The following ZFAT variants were observed in gnomAD, a reference collection of about 807,000 sequenced individuals.
The protein encoded by ZFAT is zinc finger protein ZFAT.
ZFAT carries 64 observed loss-of-function variants against 117.7 expected under a neutral mutation model. The ratio of observed to expected loss-of-function variants is 0.54; its 90% CI spans 0.44 to 0.67. ZFAT has a LOEUF of 0.67. Among genes scored for constraint, ZFAT ranks in the 30% least tolerant of loss-of-function variants. The probability of loss-of-function intolerance (pLI) is 0.00; values close to 1 mark genes in which losing one functional copy is unlikely to be tolerated. For missense variants in ZFAT, 1,433 were observed against 1,584.5 expected, an observed-to-expected ratio of 0.90 and a Z score of 1.62; for synonymous variants, 679 against 615.0, an observed-to-expected ratio of 1.10 and a Z score of -1.54.
At chr8:134,540,957 C>T (rs912287206) in intron 11 of ZFAT, among the ~76,000 whole-genome samples, 1 of 152,046 alleles carries the variant, frequency 6.6e-6, no homozygotes, top group Non-Finnish European at 1.5e-5. Flanking sequence ...CTCAGGGTTC[C>T]GTGGATCAAG....
chr8:134,490,776 GCAGGAAT>G (rs1817996108), intron 15 of ZFAT, among the ~76,000 whole-genome samples: 1 of 152,146 alleles, frequency 6.6e-6, no homozygotes, highest in Admixed American at 6.5e-5. Context: ...AGTCCATAAA[GCAGGAAT>G]TCTCACCCTT....
chr8:134,721,454 G>A, the ZFAT span, among the ~76,000 whole-genome samples: 1 of 152,196 alleles, frequency 6.6e-6, no homozygotes, highest in African/African-American at 2.4e-5. Flanking sequence ...CAGGCTGACG[G>A]AAGAGGATGA....
the ZFAT span, among the ~76,000 whole-genome samples, chr8:134,734,394 A>T: frequency 6.6e-6 from 1 of 152,250 alleles, no homozygotes; most frequent in Admixed American, 6.5e-5. Context: ...GGCTCCCCAG[A>T]GTGTCTGCAT....
At position 134,511,480 on chromosome 8, in the gene ZFAT, C is replaced by A. The variant is rs6988428; in HGVS notation, c.3361+995G>T. On this transcript the variant is annotated intron_variant, in intron 14 of 15. Coordinates refer to ENST00000377838, the MANE Select transcript of ZFAT (RefSeq NM_020863.4). Reference sequence around the variant, plus strand: ...AGCAGGCAGTGAACACAGCCCTGTCCATTAATCTTCCCTAAACCAACTGGC... The same window carrying A: ...AGCAGGCAGTGAACACAGCCCTGTCAATTAATCTTCCCTAAACCAACTGGC... Among the ~76,000 whole-genome samples the A allele has an allele frequency of 6.6e-5, 10 of 152,176 alleles. No homozygotes were observed. The East Asian group carries it at 9.7e-4, about 15-fold the overall frequency.
chr8:134,584,099 C>A (rs1352014945), intron 9 of ZFAT, 94 bp from the exon 10 acceptor site: 48 of 1,279,546 alleles, frequency 3.8e-5, no homozygotes, highest in Non-Finnish European at 5.1e-5. Context: ...TATCTAAATA[C>A]ACTTATAGAT....
At chr8:134,531,097 G>C (rs1435443094) in intron 12 of ZFAT, among the ~76,000 whole-genome samples, 1 of 152,206 alleles carries the variant, frequency 6.6e-6, no homozygotes, top group Non-Finnish European at 1.5e-5. Flanking sequence ...CCCCGCTCCT[G>C]TCAGGGAATG....
chr8:134,760,296 A>C, the ZFAT span, among the ~76,000 whole-genome samples: 15 of 147,650 alleles, frequency 1.0e-4, no homozygotes, highest in Admixed American at 4.7e-4. Flanking sequence ...AAACAAACAA[A>C]AAACAAACAA....
At chr8:134,582,875 T>C (rs1383272906) in intron 10 of ZFAT, among the ~76,000 whole-genome samples, 1 of 152,268 alleles carries the variant, frequency 6.6e-6, no homozygotes, top group African/African-American at 2.4e-5. Context: ...GAAATAATTT[T>C]GATTTCTATA....
At chr8:134,655,329 A>G (rs898522028) in intron 2 of ZFAT, among the ~76,000 whole-genome samples, 2 of 152,182 alleles carry the variant, frequency 1.3e-5, no homozygotes, top group African/African-American at 4.8e-5. Context: ...CTGCTTTTTT[A>G]GCATTTATTC....
the ZFAT span, among the ~76,000 whole-genome samples, chr8:134,732,284 T>C: frequency 6.6e-6 from 1 of 152,182 alleles, no homozygotes; most frequent in African/African-American, 2.4e-5. Context: ...GGTTTTTTAC[T>C]GTGGCTTTCC....
intron 10 of ZFAT, among the ~76,000 whole-genome samples, chr8:134,566,287 G>A (rs1048880484): frequency 6.6e-5 from 10 of 150,912 alleles, no homozygotes; most frequent in Non-Finnish European, 8.8e-5. Context: ...CCAGCTACTC[G>A]GGAGGCTGAG....
chr8:134,761,199 A>G, the ZFAT span, among the ~76,000 whole-genome samples: 1 of 152,144 alleles, frequency 6.6e-6, no homozygotes, highest in Non-Finnish European at 1.5e-5. Flanking sequence ...TTGAGCCCCT[A>G]CTGTGGGCTG....
At chr8:134,706,557 T>C (rs1834156381) in intron 1 of ZFAT, among the ~76,000 whole-genome samples, 1 of 151,932 alleles carries the variant, frequency 6.6e-6, no homozygotes, top group Admixed American at 6.6e-5. Context: ...CCAGGTGTGG[T>C]GGTATCCCCC....
At chr8:134,581,876 C>T (rs1282082668) in intron 10 of ZFAT, among the ~76,000 whole-genome samples, 1 of 152,198 alleles carries the variant, frequency 6.6e-6, no homozygotes, top group Non-Finnish European at 1.5e-5. Context: ...AGGCATGAGC[C>T]ACTGTGCCCG....
intron 15 of ZFAT, among the ~76,000 whole-genome samples, chr8:134,499,762 G>A (rs1459935056): frequency 6.6e-6 from 1 of 152,224 alleles, no homozygotes; most frequent in East Asian, 1.9e-4. Flanking sequence ...TGAGTAGCAA[G>A]GGCTTAACTG....
intron 1 of ZFAT, among the ~76,000 whole-genome samples, chr8:134,658,086 C>T (rs1363428830): frequency 6.6e-6 from 1 of 152,150 alleles, no homozygotes; most frequent in East Asian, 1.9e-4. Context: ...GCCTGTAATC[C>T]CAGCACTTTG....
chr8:134,594,277 G>A (rs1826749992), intron 7 of ZFAT, among the ~76,000 whole-genome samples: 1 of 152,128 alleles, frequency 6.6e-6, no homozygotes, highest in Admixed American at 6.5e-5. Context: ...TCTTGGGAAG[G>A]GAAAACATTA....
intron 1 of ZFAT, 106 bp downstream of exon 1, chr8:134,712,739 G>C: frequency 1.8e-6 from 2 of 1,135,924 alleles, no homozygotes; most frequent in Non-Finnish European, 2.3e-6. Context: ...GCCGGCGGCC[G>C]GCGGCCGGCG....
chr8:134,618,146 C>T (rs1025048464), intron 3 of ZFAT, among the ~76,000 whole-genome samples: 3 of 152,056 alleles, frequency 2.0e-5, no homozygotes, highest in Non-Finnish European at 4.4e-5. Flanking sequence ...TTCCCAGTCT[C>T]GGGAAGAAAA....
Sources: gnomAD v4.1 joint callset for allele counts (sites outside exome capture counted in the v4.1 genomes callset) on GRCh38, gnomAD v4.1.1 for gene constraint, MANE v1.5 for transcripts, NCBI Gene and HGNC (gene_info 2026-07-23, HGNC 2026-07-21) for gene names.